The following MRPS21 variants were observed in gnomAD, a reference collection of about 807,000 sequenced individuals.
The protein encoded by MRPS21 is small ribosomal subunit protein bS21m.
In MRPS21, 8 loss-of-function variants were observed where a neutral mutation model predicts 9.9. The ratio of observed to expected loss-of-function variants is 0.81; its 90% CI spans 0.47 to 1.45. The LOEUF is 1.45. MRPS21 is among the 40% of genes most tolerant of loss of function. The probability of loss-of-function intolerance (pLI) is 0.00; values close to 1 mark genes in which losing one functional copy is unlikely to be tolerated. For missense variants in MRPS21, 101 were observed against 118.9 expected, an observed-to-expected ratio of 0.85 and a Z score of 0.70; for synonymous variants, 40 against 40.3, an observed-to-expected ratio of 0.99 and a Z score of 0.03.
chr1:150,308,521 T>G lies in MRPS21; in HGVS notation c.*293T>G, dbSNP rs1439499646. Reference sequence around the variant, plus strand: ...GTTTAATGGGTACAGAGTTTCAGTTTGGGCAGATGAAAAAGTTCAGGAGAC... The same window carrying G: ...GTTTAATGGGTACAGAGTTTCAGTTGGGGCAGATGAAAAAGTTCAGGAGAC... On this transcript the variant is annotated 3_prime_UTR_variant, in exon 3 of 3. Transcript: ENST00000614145. The G allele has an allele frequency of 1.4e-5, 3 of 221,004 alleles. No individual in the cohort carries two copies. Among genetic ancestry groups the G allele is most frequent in the Non-Finnish European group, 2.7e-5 (3 of 111,548 alleles). The allele number at this position is 221,004 out of a possible 1,614,324, so 13.7% of individuals were successfully genotyped here.
Position 150,294,410 on chromosome 1 carries a change from A to T in MRPS21, c.44A>T (p.Gln15Leu), listed in dbSNP as rs370296241. Residue 15 changes from glutamine (Q) to leucine (L), a missense_variant, in exon 2 of 3, where the codon CAG (glutamine) becomes CTG (leucine). By Grantham distance (113) the Gln-to-Leu change is moderately radical (BLOSUM62 -2). Transcript: ENST00000614145. ...TTCATCGCCAGGACTGTGATGGTAC[A>T]GGAAGGGAACGTGGAAAGCGCATAC... Reference protein sequence around the residue: ...LKFIARTVMVQEGNVESAYRT... With the variant: ...LKFIARTVMVLEGNVESAYRT... The T allele has an allele frequency of 4.3e-6, 7 of 1,613,732 alleles. No individual in the cohort carries two copies. Among genetic ancestry groups the T allele is most frequent in the East Asian group, 2.2e-5 (1 of 44,882 alleles).
chr1:150,294,896 C>CCAAAAA (rs1553856267), intron 2 of MRPS21, among the ~76,000 whole-genome samples: 1 of 136,360 alleles, frequency 7.3e-6, no homozygotes, highest in African/African-American at 2.8e-5. Flanking sequence ...GACTCTATCT[C>CCAAAAA]AAAAAAAAAG....
intron 2 of MRPS21, among the ~76,000 whole-genome samples, chr1:150,307,347 CCTT>C (rs781891203): frequency 4.0e-3 from 13 of 3,266 alleles, no homozygotes; most frequent in Middle Eastern, 0.17. Flanking sequence ...TGTGCCCAGT[CCTT>C]TTTTTTTTTT....
At position 150,308,909 on chromosome 1, in the gene MRPS21, T is replaced by C. The variant is rs1654455396; in HGVS notation, c.*681T>C. ...AAAAGTTGAATGTACTTAATGCCAC[T>C]GAACTATACCCTTAAATGGTCACGA... On this transcript the variant is annotated 3_prime_UTR_variant, in exon 3 of 3. Transcript: ENST00000614145. 6.5e-6 allele frequency: 1 copy of C among 154,720 alleles called. No homozygotes were observed. The highest frequency in any genetic ancestry group is 2.4e-5 in the African/African-American group (1 of 41,520). 9.6% of individuals were successfully genotyped at this position (154,720 alleles called of 1,614,324 possible).
Position 150,294,810 on chromosome 1 carries a change from A to G in MRPS21, c.83+361A>G, listed in dbSNP as rs148674256. On this transcript the variant is annotated intron_variant, in intron 2 of 2. Transcript: ENST00000614145. ...GCTACTCGAGAGCTGAGGCAGGAGA[A>G]TCGCTTGAACCCGGGAGGCAGAGGT... Among the ~76,000 whole-genome samples, 1,428 of 150,270 alleles carry G rather than the reference A, an allele frequency of 9.5e-3. 18 individuals are homozygous for G. The highest frequency in any genetic ancestry group is 0.033 in the African/African-American group (1,331 of 40,878).
intron 2 of MRPS21, 46 bp downstream of exon 2, chr1:150,294,495 G>A: frequency 6.6e-7 from 1 of 1,504,890 alleles, no homozygotes. Context: ...TCTGGGAAGT[G>A]CGGTGGTTAT....
At chr1:150,303,435 C>T (rs1486298579) in intron 2 of MRPS21, among the ~76,000 whole-genome samples, 1 of 152,128 alleles carries the variant, frequency 6.6e-6, no homozygotes, top group Admixed American at 6.5e-5. Context: ...TTCTTTTATC[C>T]AAGTGTCCCT....
intron 2 of MRPS21, among the ~76,000 whole-genome samples, chr1:150,307,712 A>G (rs1018104269): frequency 1.3e-5 from 2 of 152,062 alleles, no homozygotes; most frequent in Admixed American, 6.6e-5. Flanking sequence ...GTGAGTCGCT[A>G]GCACTACAGA....
At chr1:150,299,503 G>A (rs953824242) in intron 2 of MRPS21, among the ~76,000 whole-genome samples, 5 of 151,830 alleles carry the variant, frequency 3.3e-5, no homozygotes, top group South Asian at 2.1e-4. Flanking sequence ...CCCCCAAGCT[G>A]GAGTGCAGTG....
At chr1:150,299,881 C>T (rs587656032) in intron 2 of MRPS21, among the ~76,000 whole-genome samples, 18 of 114,412 alleles carry the variant, frequency 1.6e-4, no homozygotes, top group African/African-American at 5.8e-4. Context: ...GGTTTCAACC[C>T]TGGCTGCCTA....
At chr1:150,297,711 G>A (rs1222996748) in intron 2 of MRPS21, among the ~76,000 whole-genome samples, 1 of 151,858 alleles carries the variant, frequency 6.6e-6, no homozygotes, top group Non-Finnish European at 1.5e-5. Context: ...TTAATTCTAT[G>A]TGCATAACAA....
chr1:150,294,550 C>A, intron 2 of MRPS21, 101 bp downstream of exon 2: 3 of 989,640 alleles, frequency 3.0e-6, no homozygotes, highest in Non-Finnish European at 4.7e-6. Flanking sequence ...ACAGTGCCAG[C>A]CCAGGTGTTC....
intron 2 of MRPS21, among the ~76,000 whole-genome samples, chr1:150,295,021 A>T (rs1322931798): frequency 7.2e-6 from 1 of 139,420 alleles, no homozygotes; most frequent in Non-Finnish European, 1.5e-5. Context: ...TTTGAGGCAG[A>T]GTCTCGCTCT....
chr1:150,294,486 C>G (rs782454100), intron 2 of MRPS21, 37 bp downstream of exon 2: 1 of 1,532,644 alleles, frequency 6.5e-7, no homozygotes, highest in South Asian at 1.1e-5. Flanking sequence ...CCTAGACTCT[C>G]TGGGAAGTGC....
chr1:150,297,087 C>T (rs976378424), intron 2 of MRPS21, among the ~76,000 whole-genome samples: 2 of 150,254 alleles, frequency 1.3e-5, no homozygotes, highest in East Asian at 4.0e-4. Flanking sequence ...GTCAGGACAT[C>T]GAGACCATCC....
rs587635642 is a variant in MRPS21 at position 150,300,577 on chromosome 1, A to G, written c.83+6128A>G. 1.2e-3 allele frequency among the ~76,000 whole-genome samples: 179 copies of G among 152,344 alleles called. 2 individuals carry two copies. The highest frequency in any genetic ancestry group is 4.2e-3 in the African/African-American group (174 of 41,584). On this transcript the variant is annotated intron_variant, in intron 2 of 2. Transcript: ENST00000614145. ...AATGAACTATAGGGGTTCTGCTACT[A>G]TAAGCAAACATGGAATTTCTTTGAA...
chr1:150,308,242 G>GAC lies in MRPS21; in HGVS notation c.*17_*18dup. On this transcript the variant is annotated 3_prime_UTR_variant, in exon 3 of 3. Transcript: ENST00000614145. ...CAGGGCTGCTGAGGCCTGTGGGTGG[G>GAC]ACACCCAGTGCGAAACCCTCATCCA... 1 of 1,578,324 alleles carries GAC rather than the reference G, an allele frequency of 6.3e-7. No homozygotes were observed. The highest frequency in any genetic ancestry group is 1.3e-5 in the African/African-American group (1 of 74,498).
rs2101900924 is a variant in MRPS21 at position 150,294,378 on chromosome 1, T to A, written c.12T>A (p.His4Gln). Residue 4 changes from histidine to glutamine, a missense_variant, in exon 2 of 3, where the codon CAT becomes CAA. Transcript: ENST00000614145. ...TTAAATCCAAGGTCATGGCAAAACATCTGAAGTTCATCGCCAGGACTGTGA... is the reference window on the plus strand; with the variant it reads ...TTAAATCCAAGGTCATGGCAAAACAACTGAAGTTCATCGCCAGGACTGTGA... MAK[H>Q]LKFIARTVMV... 1.9e-6 allele frequency: 3 copies of A among 1,613,246 alleles called. No individual in the cohort carries two copies. The highest frequency in any genetic ancestry group is 8.5e-7 in the Non-Finnish European group (1 of 1,179,738).
rs1553858873 is a variant in MRPS21, at chr1:150,308,294, A to T, written c.*66A>T. On this transcript the variant is annotated 3_prime_UTR_variant, in exon 3 of 3. Coordinates refer to ENST00000614145, the MANE Select transcript of MRPS21 (RefSeq NM_031901.6). ...TTTTCTCTCCATCTCTTTTCTTTGTACAATCCCATTTCCTATTACCATTCT... is the reference window on the plus strand; with the variant it reads ...TTTTCTCTCCATCTCTTTTCTTTGTTCAATCCCATTTCCTATTACCATTCT... 4 of 1,486,384 alleles carry T rather than the reference A, an allele frequency of 2.7e-6. No homozygotes were observed. In the South Asian group the frequency reaches 5.1e-5, roughly 19 times the overall value. The allele number at this position is 1,486,384 out of a possible 1,614,324, so 92.1% of individuals were successfully genotyped here. A position where few individuals can be genotyped will look rare whatever the true frequency, so the allele number is the denominator to read the frequency against.
Sources: gnomAD v4.1 joint callset for allele counts (sites outside exome capture counted in the v4.1 genomes callset) on GRCh38, gnomAD v4.1.1 for gene constraint, MANE v1.5 for transcripts, NCBI Gene and HGNC (gene_info 2026-07-23, HGNC 2026-07-21) for gene names.